RPL37: variants seen among roughly 807,000 people sequenced by gnomAD.
The protein encoded by RPL37 is large ribosomal subunit protein eL37.
Under a neutral mutation model 14.8 loss-of-function variants are expected in RPL37, and 1 was observed. That is an observed-to-expected ratio of 0.07 (90% CI 0.02 to 0.32). The LOEUF (loss-of-function observed/expected upper bound fraction) is 0.32. Among genes scored for constraint, RPL37 ranks in the 10% least tolerant of loss-of-function variants. The pLI, the probability that RPL37 is intolerant of heterozygous loss-of-function variation, is 1.00. For missense variants in RPL37, 100 were observed against 128.3 expected (o/e 0.78, Z 1.06); for synonymous variants, 53 against 45.8 (o/e 1.16, Z -0.63).
In RPL37 at chr5:40,826,279, T is replaced by C. The variant is rs1344464547; in HGVS notation, c.*6225A>G. ...TCCTACTTTGGGTAACTATCAAAAG[T>C]CTCACACACACACACAACCCAAAGA... On this transcript the variant is annotated 3_prime_UTR_variant, in exon 4 of 4. Coordinates refer to ENST00000274242, the MANE Select transcript of RPL37 (RefSeq NM_000997.5). 6.6e-6 allele frequency: 1 copy of C among 152,084 alleles called. No homozygotes were observed. The highest frequency in any genetic ancestry group is 1.9e-4 in the East Asian group (1 of 5,180). 9.4% of individuals were successfully genotyped at this position (152,084 alleles called of 1,614,324 possible). A position where few individuals can be genotyped will look rare whatever the true frequency, so the allele number is the denominator to read the frequency against.
intron 3 of RPL37, 181 bp from the exon 4 acceptor site, chr5:40,832,754 T>TA: frequency 1.4e-6 from 1 of 732,526 alleles, no homozygotes. Flanking sequence ...TCACTTTGCT[T>TA]AAAGATACCC....
chr5:40,832,266 G>C lies in RPL37; in HGVS notation c.*238C>G, dbSNP rs1170517630. 2 of 513,160 alleles carry C rather than the reference G, an allele frequency of 3.9e-6. No individual in the cohort carries two copies. Among genetic ancestry groups the C allele is most frequent in the Non-Finnish European group, 7.2e-6 (2 of 278,044 alleles). 31.8% of individuals were successfully genotyped at this position (513,160 alleles called of 1,614,324 possible). On this transcript the variant is annotated 3_prime_UTR_variant, in exon 4 of 4. Coordinates refer to ENST00000274242, the MANE Select transcript of RPL37 (RefSeq NM_000997.5). ...TGTCTTCCAGTGCCCTCTGCTTCAA[G>C]GACTCCTGGAATTCTGCTTGTTTCT...
intron 2 of RPL37, 91 bp from the exon 3 acceptor site, chr5:40,834,356 G>T: frequency 6.4e-7 from 1 of 1,558,724 alleles, no homozygotes; most frequent in South Asian, 1.1e-5. Flanking sequence ...CCACCTCATC[G>T]GCATACAGAT....
chr5:40,835,068 C>G, intron 1 of RPL37, 115 bp downstream of exon 1: 1 of 1,458,330 alleles, frequency 6.9e-7, no homozygotes, highest in Non-Finnish European at 9.5e-7. Flanking sequence ...ATGCCTCTTT[C>G]CAGCCCACCA....
intron 2 of RPL37, 101 bp downstream of exon 2, chr5:40,834,370 C>G (rs1450617336): frequency 6.4e-7 from 1 of 1,569,172 alleles, no homozygotes; most frequent in East Asian, 2.2e-5. Flanking sequence ...TACAGATGTA[C>G]GAGTTTTAAG....
Position 40,834,321 on chromosome 5 carries a change from GTGT to G in RPL37, c.140-59_140-57del, listed in dbSNP as rs754035048. On this transcript the variant is annotated intron_variant, in intron 2 of 3. Transcript: ENST00000274242. The stretch of plus-strand genomic sequence containing the variant: ...CGGTGTTCTCCCACACACCTTGTAG[GTGT>G]TGTTAACACACGAGTTTTATGCCAC... 182 of 1,574,596 alleles carry G rather than the reference GTGT, an allele frequency of 1.2e-4. No individual in the cohort carries two copies. In the African/African-American group the frequency reaches 1.3e-3, roughly 11 times the overall value.
rs1027480867 is a variant in RPL37, at chr5:40,829,859, G to C, written c.*2645C>G. On this transcript the variant is annotated 3_prime_UTR_variant, in exon 4 of 4. Transcript: ENST00000274242. ...GGCTAATATTTTTGTATTTTTAGTA[G>C]AGACGGGGTTTCTCCATGTTGGTCA... 2 of 152,164 alleles carry C rather than the reference G, an allele frequency of 1.3e-5. No individual in the cohort carries two copies. The highest frequency in any genetic ancestry group is 1.3e-4 in the Admixed American group (2 of 15,266). 9.4% of individuals were successfully genotyped at this position (152,164 alleles called of 1,614,324 possible). A position where few individuals can be genotyped will look rare whatever the true frequency, so the allele number is the denominator to read the frequency against.
intron 3 of RPL37, among the ~76,000 whole-genome samples, chr5:40,833,487 C>T (rs1349703859): frequency 7.2e-5 from 11 of 152,130 alleles, no homozygotes; most frequent in Admixed American, 4.6e-4. Context: ...AAGTCTACGG[C>T]GGAGCTGAGA....
chr5:40,832,457 A>T lies in RPL37; in HGVS notation c.*47T>A, dbSNP rs188993167. Reference sequence around the variant, plus strand: ...AATACCTTACCAAAACCAGATATGTATTTTTTAAAACCAGAACATTTATTG... The same window carrying T: ...AATACCTTACCAAAACCAGATATGTTTTTTTTAAAACCAGAACATTTATTG... On this transcript the variant is annotated 3_prime_UTR_variant, in exon 4 of 4. Transcript: ENST00000274242. 970 of 1,521,806 alleles carry T rather than the reference A, an allele frequency of 6.4e-4. 6 individuals are homozygous for T. In the African/African-American group the frequency reaches 0.011, roughly 18 times the overall value. 94.3% of individuals were successfully genotyped at this position (1,521,806 alleles called of 1,614,324 possible).
rs778731801 is a variant in RPL37 at position 40,834,243 on chromosome 5, T to A, written c.162A>T (p.Lys54Asn). 3.1e-6 allele frequency: 5 copies of A among 1,614,162 alleles called. No individual in the cohort carries two copies. In the South Asian group the frequency reaches 5.5e-5, roughly 18 times the overall value. The change falls in exon 3 of 4, where the codon AAA becomes AAT. Residue 54 changes from lysine to asparagine, a missense_variant. Lys to Asn is a moderately conservative substitution (Grantham distance 94, BLOSUM62 0). Transcript: ENST00000274242. Reference sequence around the variant, plus strand: ...GACCAGTTCCGGTGGTATTTCGTCTTTTAGCCTTGGCACTCCAGTTATCTA... The same window carrying A: ...GACCAGTTCCGGTGGTATTTCGTCTATTAGCCTTGGCACTCCAGTTATCTA... ...KRKYNWSAKA[K>N]RRNTTGTGRM...
At chr5:40,834,388 CCAAATAAAGTT>C in intron 2 of RPL37, 72 bp downstream of exon 2, 1 of 1,581,916 alleles carries the variant, frequency 6.3e-7, no homozygotes, top group South Asian at 1.1e-5. Context: ...AAGATAGGCA[CCAAATAAAGTT>C]CAAACCTATG....
Position 40,832,424 on chromosome 5 carries a change from T to C in RPL37, c.*80A>G. On this transcript the variant is annotated 3_prime_UTR_variant, in exon 4 of 4. Transcript: ENST00000274242. ...ATTTCACTGATACTACAAGCCTAAT[T>C]GATTAAAAATACCTTACCAAAACCA... is the stretch of plus-strand genomic sequence containing the variant. The C allele has an allele frequency of 8.3e-7, 1 of 1,202,322 alleles. No individual in the cohort carries two copies. The highest frequency in any genetic ancestry group is 1.2e-6 in the Non-Finnish European group (1 of 806,862). The allele number at this position is 1,202,322 out of a possible 1,614,324, so 74.5% of individuals were successfully genotyped here. A position where few individuals can be genotyped will look rare whatever the true frequency, so the allele number is the denominator to read the frequency against.
chr5:40,828,222 C>T lies in RPL37; in HGVS notation c.*4282G>A, dbSNP rs1410636436. 1 of 152,192 alleles carries T rather than the reference C, an allele frequency of 6.6e-6. No individual in the cohort carries two copies. Among genetic ancestry groups the T allele is most frequent in the African/African-American group, 2.4e-5 (1 of 41,444 alleles). 9.4% of individuals were successfully genotyped at this position (152,192 alleles called of 1,614,324 possible). A position where few individuals can be genotyped will look rare whatever the true frequency, so the allele number is the denominator to read the frequency against. Reference sequence around the variant, plus strand: ...GCTCCTTATCATTCAACTTAACCAACCTTCTAAAGGTTCCTCCATCCCCAC... The same window carrying T: ...GCTCCTTATCATTCAACTTAACCAATCTTCTAAAGGTTCCTCCATCCCCAC... On this transcript the variant is annotated 3_prime_UTR_variant, in exon 4 of 4. Transcript: ENST00000274242.
rs928660828 is a variant in RPL37, at chr5:40,831,858, C to G, written c.*646G>C. 1 of 152,458 alleles carries G rather than the reference C, an allele frequency of 6.6e-6. No individual in the cohort carries two copies. The highest frequency in any genetic ancestry group is 1.5e-5 in the Non-Finnish European group (1 of 68,200). The allele number at this position is 152,458 out of a possible 1,614,324, so 9.4% of individuals were successfully genotyped here. On this transcript the variant is annotated 3_prime_UTR_variant, in exon 4 of 4. Transcript: ENST00000274242. The stretch of plus-strand genomic sequence containing the variant: ...GATTATACTTGATTTTCCTTTATTT[C>G]CTGCTCAATCTTTACTTGCACCCAA...
chr5:40,825,592 TCTG>T lies in RPL37; in HGVS notation c.*6909_*6911del, dbSNP rs1474106540. The T allele has an allele frequency of 6.6e-6, 1 of 152,314 alleles. No homozygotes were observed. Among genetic ancestry groups the T allele is most frequent in the Admixed American group, 6.5e-5 (1 of 15,280 alleles). 9.4% of individuals were successfully genotyped at this position (152,314 alleles called of 1,614,324 possible). On this transcript the variant is annotated 3_prime_UTR_variant, in exon 4 of 4. Coordinates refer to ENST00000274242, the MANE Select transcript of RPL37 (RefSeq NM_000997.5). ...TCCCTGTGACGCAGGGACCATAGTT[TCTG>T]CTCTAATAACACCTTTTCCACTCTG... is the stretch of plus-strand genomic sequence containing the variant.
At position 40,831,830 on chromosome 5, in the gene RPL37, AG is replaced by A. The variant is rs1745646723; in HGVS notation, c.*673del. On this transcript the variant is annotated 3_prime_UTR_variant, in exon 4 of 4. Transcript: ENST00000274242. ...TCATTGCCTTTAGTCTACAAATCTC[AG>A]GGATTATACTTGATTTTCCTTTATT... The A allele has an allele frequency of 6.6e-6, 1 of 152,410 alleles. No individual in the cohort carries two copies. Among genetic ancestry groups the A allele is most frequent in the African/African-American group, 2.4e-5 (1 of 41,446 alleles). The allele number at this position is 152,410 out of a possible 1,614,324, so 9.4% of individuals were successfully genotyped here.
Position 40,830,868 on chromosome 5 carries a change from C to T in RPL37, c.*1636G>A, listed in dbSNP as rs971555768. On this transcript the variant is annotated 3_prime_UTR_variant, in exon 4 of 4. Transcript: ENST00000274242. ...TCTGAAGCCCAAACTGGCCAAACTT[C>T]ACCAGCTTTACATTATACCCACAGC... 4 of 152,184 alleles carry T rather than the reference C, an allele frequency of 2.6e-5. No homozygotes were observed. The highest frequency in any genetic ancestry group is 2.6e-4 in the Admixed American group (4 of 15,268). 9.4% of individuals were successfully genotyped at this position (152,184 alleles called of 1,614,324 possible).
rs1012847390 is a variant in RPL37, at chr5:40,828,208, T to C, written c.*4296A>G. Reference sequence around the variant, plus strand: ...AAGACAAAAGAATGGCTCCTTATCATTCAACTTAACCAACCTTCTAAAGGT... The same window carrying C: ...AAGACAAAAGAATGGCTCCTTATCACTCAACTTAACCAACCTTCTAAAGGT... On this transcript the variant is annotated 3_prime_UTR_variant, in exon 4 of 4. Transcript: ENST00000274242. 1.3e-5 allele frequency: 2 copies of C among 152,188 alleles called. No homozygotes were observed. Among genetic ancestry groups the C allele is most frequent in the African/African-American group, 4.8e-5 (2 of 41,440 alleles). 9.4% of individuals were successfully genotyped at this position (152,188 alleles called of 1,614,324 possible).
rs1424970122 is a variant in RPL37 at position 40,828,082 on chromosome 5, G to T, written c.*4422C>A. 6.6e-6 allele frequency: 1 copy of T among 152,156 alleles called. No homozygotes were observed. The highest frequency in any genetic ancestry group is 2.4e-5 in the African/African-American group (1 of 41,416). The allele number at this position is 152,156 out of a possible 1,614,324, so 9.4% of individuals were successfully genotyped here. A position where few individuals can be genotyped will look rare whatever the true frequency, so the allele number is the denominator to read the frequency against. ...ATGTATTGCTTTGCTTTTCTTACAT[G>T]AAGTTATGCTATTACAAAATTAAGT... On this transcript the variant is annotated 3_prime_UTR_variant, in exon 4 of 4. Coordinates refer to ENST00000274242, the MANE Select transcript of RPL37 (RefSeq NM_000997.5).
Sources: allele counts gnomAD v4.1 joint callset (sites outside exome capture counted in the v4.1 genomes callset), GRCh38; gene constraint gnomAD v4.1.1; transcripts MANE v1.5; gene names NCBI Gene and HGNC (gene_info 2026-07-23, HGNC 2026-07-21).